The following CSMD3 variants were observed in gnomAD, a reference collection of about 807,000 sequenced individuals.
The protein encoded by CSMD3 is CUB and sushi domain-containing protein 3.
A neutral mutation model predicts 435.2 loss-of-function variants in CSMD3; 177 were observed. The ratio of observed to expected loss-of-function variants is 0.41; its 90% CI spans 0.36 to 0.46. The LOEUF (loss-of-function observed/expected upper bound fraction) is 0.46. Among genes scored for constraint, CSMD3 ranks in the 20% least tolerant of loss-of-function variants. The pLI is 0.34. For synonymous variants in CSMD3, 1,656 were observed against 1,520.5 expected (o/e 1.09, Z -2.07); for missense variants, 4,265 against 4,504.6 (o/e 0.95, Z 1.52).
intron 3 of CSMD3, among the ~76,000 whole-genome samples, chr8:113,271,116 T>C (rs1337429258): frequency 6.6e-6 from 1 of 151,990 alleles, no homozygotes. Context: ...GTGGCTTGGG[T>C]GCTGTTAAAA....
At chr8:112,599,322 C>T (rs1397644155) in intron 22 of CSMD3, among the ~76,000 whole-genome samples, 39 of 150,390 alleles carry the variant, frequency 2.6e-4, no homozygotes, top group African/African-American at 9.0e-4. Context: ...CAATGAGATA[C>T]CATCTCACAC....
At chr8:113,124,185 A>C (rs1292402732) in intron 4 of CSMD3, among the ~76,000 whole-genome samples, 2 of 152,034 alleles carry the variant, frequency 1.3e-5, no homozygotes, top group Admixed American at 6.6e-5. Context: ...AAAGAATAAT[A>C]GAAACAGTAA....
chr8:112,770,178 G>A (rs1244617315), intron 13 of CSMD3, among the ~76,000 whole-genome samples: 1 of 151,906 alleles, frequency 6.6e-6, no homozygotes, highest in African/African-American at 2.4e-5. Context: ...GTAAACTGTT[G>A]CTATGTTTTG....
At chr8:112,914,544 AG>A (rs1407275639) in intron 10 of CSMD3, among the ~76,000 whole-genome samples, 1 of 151,540 alleles carries the variant, frequency 6.6e-6, no homozygotes, top group Non-Finnish European at 1.5e-5. Context: ...ATATGAGGAA[AG>A]GTCTGCCAAA....
Position 113,098,817 on chromosome 8 carries a change from A to C in CSMD3, c.856T>G (p.Phe286Val). The C allele has an allele frequency of 6.2e-7, 1 of 1,612,852 alleles. No individual in the cohort carries two copies. Among genetic ancestry groups the C allele is most frequent in the Non-Finnish European group, 8.5e-7 (1 of 1,179,110 alleles). Reference protein sequence around the residue: ...GDTISLIFTDFQMEEKYDYLE... With the variant: ...GDTISLIFTDVQMEEKYDYLE... ...TAATCATATTTCTCTTCCATTTGAAAATCAGTAAATATGAGTGAAATTGTG... is the reference window on the plus strand; with the variant it reads ...TAATCATATTTCTCTTCCATTTGAACATCAGTAAATATGAGTGAAATTGTG... The change falls in exon 5 of 71, where the codon TTT (phenylalanine) becomes GTT (valine). Residue 286 changes from phenylalanine (F) to valine (V), a missense_variant. Coordinates refer to ENST00000297405, the MANE Select transcript of CSMD3 (RefSeq NM_198123.2).
chr8:112,449,744 T>C (rs1816044450), intron 32 of CSMD3, among the ~76,000 whole-genome samples: 1 of 152,218 alleles, frequency 6.6e-6, no homozygotes, highest in African/African-American at 2.4e-5. Context: ...AGGAATGTTC[T>C]ACGGATGTAC....
chr8:112,292,407 G>C lies in CSMD3; in HGVS notation c.8788+130C>G. ...AAGCATTGTTAATGAGATGACATCA[G>C]TATTAAAGCTTTTTGTTTTATTAGA... On this transcript the variant is annotated intron_variant, in intron 55 of 70. Coordinates refer to ENST00000297405, the MANE Select transcript of CSMD3 (RefSeq NM_198123.2). 8 of 788,330 alleles carry C rather than the reference G, an allele frequency of 1.0e-5. No homozygotes were observed. In the South Asian group the frequency reaches 1.2e-4, roughly 12 times the overall value. 48.8% of individuals were successfully genotyped at this position (788,330 alleles called of 1,614,324 possible). A position where few individuals can be genotyped will look rare whatever the true frequency, so the allele number is the denominator to read the frequency against.
intron 1 of CSMD3, among the ~76,000 whole-genome samples, chr8:113,406,146 C>A (rs2094531933): frequency 6.6e-6 from 1 of 151,876 alleles, no homozygotes; most frequent in African/African-American, 2.4e-5. Flanking sequence ...AACAGCGACA[C>A]AATTTTAGAG....
At position 112,228,821 on chromosome 8, in the gene CSMD3, A is replaced by G. The variant is rs993779011; in HGVS notation, c.10899T>C (p.Ile3633=). 5.0e-6 allele frequency: 8 copies of G among 1,590,906 alleles called. No individual in the cohort carries two copies. The highest frequency in any genetic ancestry group is 1.3e-5 in the African/African-American group (1 of 74,188). ...GTGCAAAAAAAGGCACAAGAATAGC[A>G]ATGGCTACAGAACTACTATTTGTAC... The part of the protein sequence containing the change: ...PHGTNSSSVA[I]AILVPFFALI... Residue 3633 remains isoleucine, a synonymous_variant, in exon 70 of 71, where the codon ATT becomes ATC. Coordinates refer to ENST00000297405, the MANE Select transcript of CSMD3 (RefSeq NM_198123.2).
chr8:113,360,473 A>T (rs1007325319), intron 1 of CSMD3, among the ~76,000 whole-genome samples: 3 of 152,130 alleles, frequency 2.0e-5, no homozygotes, highest in Non-Finnish European at 4.4e-5. Context: ...GCTTCAAAGG[A>T]CACATCAATT....
At chr8:112,479,051 A>G (rs928275319) in intron 31 of CSMD3, among the ~76,000 whole-genome samples, 8 of 151,984 alleles carry the variant, frequency 5.3e-5, no homozygotes, top group African/African-American at 1.9e-4. Context: ...TCACCCTTCA[A>G]TGTCCAGAAT....
chr8:112,783,201 T>G (rs1173820174), intron 13 of CSMD3, among the ~76,000 whole-genome samples: 1 of 151,260 alleles, frequency 6.6e-6, no homozygotes, highest in Non-Finnish European at 1.5e-5. Context: ...GGATAAAGAG[T>G]AGAGTTTTTA....
chr8:112,301,448 G>C lies in CSMD3; in HGVS notation c.8440+345C>G, dbSNP rs182076344. Among the ~76,000 whole-genome samples the C allele has an allele frequency of 1.2e-3, 176 of 152,112 alleles. 1 individual carries two copies. Among genetic ancestry groups the C allele is most frequent in the African/African-American group, 3.9e-3 (163 of 41,550 alleles). ...TTCAGTCATTACCTTAAGCAAATAG[G>C]TGAAAAGAGAATTGACTATGGTTTA... On this transcript the variant is annotated intron_variant, in intron 53 of 70. Coordinates refer to ENST00000297405, the MANE Select transcript of CSMD3 (RefSeq NM_198123.2).
chr8:112,801,775 T>G (rs920533538), intron 12 of CSMD3, among the ~76,000 whole-genome samples: 1 of 151,852 alleles, frequency 6.6e-6, no homozygotes, highest in Non-Finnish European at 1.5e-5. Context: ...GAATAGAAAG[T>G]AAAGTAAACC....
At chr8:113,255,368 A>C (rs1262377101) in intron 3 of CSMD3, among the ~76,000 whole-genome samples, 1 of 152,060 alleles carries the variant, frequency 6.6e-6, no homozygotes, top group Non-Finnish European at 1.5e-5. Context: ...TAAAATGAAA[A>C]CTTTTGCTGT....
intron 13 of CSMD3, among the ~76,000 whole-genome samples, chr8:112,767,807 C>G (rs888716009): frequency 1.3e-5 from 2 of 151,708 alleles, no homozygotes; most frequent in Admixed American, 1.3e-4. Flanking sequence ...GTTTAACACC[C>G]ATTGAATGAA....
At chr8:113,057,235 T>G (rs1298566579) in intron 5 of CSMD3, among the ~76,000 whole-genome samples, 3 of 152,184 alleles carry the variant, frequency 2.0e-5, no homozygotes, top group African/African-American at 7.2e-5. Context: ...TACTTATTTA[T>G]TTTTCAATAA....
chr8:112,875,385 G>A (rs1417610231), intron 10 of CSMD3, among the ~76,000 whole-genome samples: 3 of 151,916 alleles, frequency 2.0e-5, no homozygotes, highest in African/African-American at 7.2e-5. Flanking sequence ...TGAATCTGAC[G>A]ATTATATTTC....
chr8:112,285,751 G>A (rs762394413), intron 58 of CSMD3, among the ~76,000 whole-genome samples: 3 of 150,968 alleles, frequency 2.0e-5, no homozygotes, highest in African/African-American at 7.3e-5. Context: ...ACAGAGTCTC[G>A]CTCTGTCACC....
Sources: allele counts gnomAD v4.1 joint callset (sites outside exome capture counted in the v4.1 genomes callset), GRCh38; gene constraint gnomAD v4.1.1; transcripts MANE v1.5; gene names NCBI Gene and HGNC (gene_info 2026-07-23, HGNC 2026-07-21).